The following OR8G1 variants were observed in gnomAD, a reference collection of about 807,000 sequenced individuals.
OR8G1 encodes the protein olfactory receptor family 8 subfamily G member 1.
For missense variants in OR8G1, 372 were observed against 356.2 expected, an observed-to-expected ratio of 1.04 and a Z score of -0.36; for synonymous variants, 129 against 133.3, an observed-to-expected ratio of 0.97 and a Z score of 0.22.
At chr11:124,247,115 G>T (rs564649074) in intron 1 of OR8G1, among the ~76,000 whole-genome samples, 4 of 151,270 alleles carry the variant, frequency 2.6e-5, no homozygotes, top group African/African-American at 9.7e-5. Flanking sequence ...AAGAGGTTAG[G>T]GAAAAAAATA....
intron 1 of OR8G1, among the ~76,000 whole-genome samples, chr11:124,245,976 T>C (rs1280505927): frequency 1.5e-5 from 2 of 131,444 alleles, no homozygotes; most frequent in Non-Finnish European, 3.2e-5. Flanking sequence ...GCCTGTTCAC[T>C]CTGATGGTAG....
Position 124,249,160 on chromosome 11 carries a change from GTAA to G in OR8G1, c.-16-494_-16-492del, listed in dbSNP as rs765653601. Among the ~76,000 whole-genome samples the G allele has an allele frequency of 8.8e-4, 134 of 152,156 alleles. 1 individual carries two copies. Among genetic ancestry groups the G allele is most frequent in the Non-Finnish European group, 1.5e-3 (101 of 68,004 alleles). On this transcript the variant is annotated intron_variant, in intron 2 of 2. Transcript: ENST00000641972. ...TTATTGTTATAGAGATTGTTTCATA[GTAA>G]TAATATTTTAAAATATGAAAATTTT...
intron 2 of OR8G1, among the ~76,000 whole-genome samples, chr11:124,248,451 C>CA (rs1380194853): frequency 6.6e-6 from 1 of 151,604 alleles, no homozygotes; most frequent in South Asian, 2.1e-4. Context: ...TTTAAAATCT[C>CA]AAAGAATTTC....
In OR8G1 at chr11:124,241,115, A is replaced by G. The variant is rs1166022835; in HGVS notation, c.-346A>G. 6.6e-6 allele frequency: 1 copy of G among 152,108 alleles called. No homozygotes were observed. The highest frequency in any genetic ancestry group is 1.5e-5 in the Non-Finnish European group (1 of 68,026). The allele number at this position is 152,108 out of a possible 1,614,324, so 9.4% of individuals were successfully genotyped here. ...GATGCTTGCCACCCTGAAGCTGGAG[A>G]AACAAAAACTGCAAAGTCATAATTA... On this transcript the variant is annotated 5_prime_UTR_variant, in exon 1 of 3. Coordinates refer to ENST00000641972, the MANE Select transcript of OR8G1 (RefSeq NM_001002905.2).
At chr11:124,246,153 A>G (rs1401181516) in intron 1 of OR8G1, among the ~76,000 whole-genome samples, 1 of 151,922 alleles carries the variant, frequency 6.6e-6, no homozygotes, top group South Asian at 2.1e-4. Context: ...TTTTATGTCT[A>G]ACATTCAAGT....
In OR8G1 at chr11:124,250,530, G is replaced by C; in HGVS notation, c.855G>C (p.Leu285Phe). 7.6e-7 allele frequency: 1 copy of C among 1,323,044 alleles called. No homozygotes were observed. Among genetic ancestry groups the C allele is most frequent in the South Asian group, 1.5e-5 (1 of 65,034 alleles). 82.0% of individuals were successfully genotyped at this position (1,323,044 alleles called of 1,614,324 possible). A position where few individuals can be genotyped will look rare whatever the true frequency, so the allele number is the denominator to read the frequency against. Residue 285 changes from leucine to phenylalanine, a missense_variant, in exon 3 of 3, where the codon TTG becomes TTC. Physicochemically the swap from Leu to Phe is conservative, Grantham distance 22. Transcript: ENST00000641972. ...TTTATACTATTATTGTGCCCATGTTGAACCCTCTGATTTATAGCCTGAGGA... is the reference window on the plus strand; with the variant it reads ...TTTATACTATTATTGTGCCCATGTTCAACCCTCTGATTTATAGCCTGAGGA... ...SVFYTIIVPMLNPLIYSLRNK... is the reference protein window; with the variant it reads ...SVFYTIIVPMFNPLIYSLRNK...
At chr11:124,242,316 C>T (rs1861768810) in intron 1 of OR8G1, among the ~76,000 whole-genome samples, 1 of 151,974 alleles carries the variant, frequency 6.6e-6, no homozygotes, top group South Asian at 2.1e-4. Context: ...CAATGTCTTT[C>T]TTTTAAAAAT....
Position 124,250,174 on chromosome 11 carries a change from C to T in OR8G1, c.499C>T (p.Gln167Ter). 3 of 1,613,732 alleles carry T rather than the reference C, an allele frequency of 1.9e-6. No homozygotes were observed. The highest frequency in any genetic ancestry group is 1.7e-6 in the Non-Finnish European group (2 of 1,179,826). ...TCATACAGGCTGTATGTTTAGGGTT[C>T]AATTCTGCAAATTTGATTTGATTAA... is the stretch of plus-strand genomic sequence containing the variant. ...SVHTGCMFRVQFCKFDLINHY... is the reference protein window; with the variant it reads ...SVHTGCMFRV Residue 167 changes from glutamine (Q) to a stop codon, truncating the protein, a stop_gained, in exon 3 of 3, where the codon CAA (glutamine) becomes TAA (stop). Coordinates refer to ENST00000641972, the MANE Select transcript of OR8G1 (RefSeq NM_001002905.2). LOFTEE classifies it low-confidence loss of function (END_TRUNC).
At chr11:124,245,284 G>T (rs868507812) in intron 1 of OR8G1, among the ~76,000 whole-genome samples, 1 of 142,080 alleles carries the variant, frequency 7.0e-6, no homozygotes, top group African/African-American at 2.7e-5. Context: ...TTGTTCTTGC[G>T]ATAGTTTACT....
intron 1 of OR8G1, among the ~76,000 whole-genome samples, chr11:124,243,937 A>G (rs1004957127): frequency 2.6e-5 from 4 of 151,560 alleles, no homozygotes; most frequent in African/African-American, 4.9e-5. Context: ...ATAAAAATTA[A>G]AAAATAACAA....
chr11:124,250,431 T>C lies in OR8G1; in HGVS notation c.756T>C (p.Phe252=). 5 of 1,613,818 alleles carry C rather than the reference T, an allele frequency of 3.1e-6. No individual in the cohort carries two copies. The highest frequency in any genetic ancestry group is 4.2e-6 in the Non-Finnish European group (5 of 1,179,794). The part of the protein sequence containing the change: ...SSHMLAVVIF[F]GSAAFMYLQP... Reference sequence around the variant, plus strand: ...ACATGTTGGCGGTTGTAATCTTTTTTGGATCTGCAGCATTCATGTACTTGC... The same window carrying C: ...ACATGTTGGCGGTTGTAATCTTTTTCGGATCTGCAGCATTCATGTACTTGC... Residue 252 remains phenylalanine, a synonymous_variant, in exon 3 of 3, where the codon TTT becomes TTC. Transcript: ENST00000641972.
At chr11:124,248,507 A>G (rs906222056) in intron 2 of OR8G1, among the ~76,000 whole-genome samples, 1 of 151,804 alleles carries the variant, frequency 6.6e-6, no homozygotes, top group African/African-American at 2.4e-5. Context: ...CTTTCTGTTT[A>G]TATCTGTATT....
At chr11:124,244,668 C>G (rs1417073569) in intron 1 of OR8G1, among the ~76,000 whole-genome samples, 1 of 151,868 alleles carries the variant, frequency 6.6e-6, no homozygotes, top group African/African-American at 2.4e-5. Context: ...AAGACAGATT[C>G]AAGGAGAAAA....
Position 124,254,049 on chromosome 11 carries a change from A to G in OR8G1, c.*3438A>G, listed in dbSNP as rs1321527008. 1 of 152,192 alleles carries G rather than the reference A, an allele frequency of 6.6e-6. No individual in the cohort carries two copies. The highest frequency in any genetic ancestry group is 1.9e-4 in the East Asian group (1 of 5,204). The allele number at this position is 152,192 out of a possible 1,614,324, so 9.4% of individuals were successfully genotyped here. A position where few individuals can be genotyped will look rare whatever the true frequency, so the allele number is the denominator to read the frequency against. On this transcript the variant is annotated 3_prime_UTR_variant, in exon 3 of 3. Transcript: ENST00000641972. ...GACGTGCTGATTGTATTTTTTGAAT[A>G]TATACCCGATAGTGGTATTGCTAGG...
chr11:124,248,739 G>C (rs1406422229), intron 2 of OR8G1, among the ~76,000 whole-genome samples: 3 of 151,646 alleles, frequency 2.0e-5, no homozygotes, highest in African/African-American at 7.3e-5. Flanking sequence ...GTTAAAAGAA[G>C]AGAAAAAAAA....
chr11:124,249,818 T>C lies in OR8G1; in HGVS notation c.143T>C (p.Leu48Pro), dbSNP rs1224930723. 6.2e-7 allele frequency: 1 copy of C among 1,614,064 alleles called. No individual in the cohort carries two copies. The highest frequency in any genetic ancestry group is 1.7e-5 in the Admixed American group (1 of 59,978). Residue 48 changes from leucine to proline, a missense_variant, in exon 3 of 3, where the codon CTG becomes CCG. Physicochemically the swap from Leu to Pro is moderately conservative, Grantham distance 98 (BLOSUM62 -3). Coordinates refer to ENST00000641972, the MANE Select transcript of OR8G1 (RefSeq NM_001002905.2). ...GTGGGCAACCTGGGCATGACCACAC[T>C]GATTTGGCTCAGTTCTCACCTGCAC... ...TVVGNLGMTT[L>P]IWLSSHLHTP...
chr11:124,249,442 A>C (rs982562614), intron 2 of OR8G1, among the ~76,000 whole-genome samples: 4 of 152,156 alleles, frequency 2.6e-5, no homozygotes, highest in Non-Finnish European at 5.9e-5. Context: ...AGGGATACTT[A>C]GAAAGTGTTC....
At chr11:124,248,651 A>G (rs1468312408) in intron 2 of OR8G1, among the ~76,000 whole-genome samples, 1 of 152,060 alleles carries the variant, frequency 6.6e-6, no homozygotes. Context: ...ATAGTTTAAC[A>G]GAATAAATAA....
At chr11:124,243,169 A>G (rs1193664043) in intron 1 of OR8G1, among the ~76,000 whole-genome samples, 3 of 152,004 alleles carry the variant, frequency 2.0e-5, no homozygotes, top group African/African-American at 4.8e-5. Flanking sequence ...TTGATATTAT[A>G]TAATTTATAA....
Sources: gnomAD v4.1 joint callset for allele counts (sites outside exome capture counted in the v4.1 genomes callset) on GRCh38, gnomAD v4.1.1 for gene constraint, MANE v1.5 for transcripts, NCBI Gene and HGNC (gene_info 2026-07-23, HGNC 2026-07-21) for gene names.